ZNRF1: variants seen among roughly 807,000 people sequenced by gnomAD.
ZNRF1 encodes E3 ubiquitin-protein ligase ZNRF1.
Under a neutral mutation model 18.4 loss-of-function variants are expected in ZNRF1, and 3 were observed. The ratio of observed to expected loss-of-function variants is 0.16; its 90% CI spans 0.07 to 0.42. The LOEUF (loss-of-function observed/expected upper bound fraction) is 0.42, where lower values mean the gene tolerates loss of function less well. Ranked by LOEUF, ZNRF1 falls within the 10% of genes least tolerant of loss-of-function variation. The pLI is 0.99. For synonymous variants in ZNRF1, 157 were observed against 144.2 expected (o/e 1.09, Z -0.64); for missense variants, 310 against 329.8 (o/e 0.94, Z 0.47).
At chr16:75,014,561 T>C (rs1179729993) in intron 1 of ZNRF1, among the ~76,000 whole-genome samples, 1 of 152,232 alleles carries the variant, frequency 6.6e-6, no homozygotes, top group East Asian at 1.9e-4. Context: ...CAGTGGATAT[T>C]AAAGTTATTT....
chr16:75,103,846 G>C (rs977070461), intron 2 of ZNRF1, among the ~76,000 whole-genome samples: 1 of 152,118 alleles, frequency 6.6e-6, no homozygotes, highest in African/African-American at 2.4e-5. Flanking sequence ...CTAGCCAGGC[G>C]TGGTGGTGGG....
intron 1 of ZNRF1, among the ~76,000 whole-genome samples, chr16:75,019,756 G>C (rs910259956): frequency 6.6e-6 from 1 of 152,122 alleles, no homozygotes; most frequent in Non-Finnish European, 1.5e-5. Context: ...ACAGGGTCTT[G>C]CTTTGTTGCC....
intron 1 of ZNRF1, among the ~76,000 whole-genome samples, chr16:75,031,641 G>T (rs1300107679): frequency 6.6e-6 from 1 of 151,952 alleles, no homozygotes; most frequent in African/African-American, 2.4e-5. Context: ...CAAGTAACTG[G>T]GACTACAGGC....
At position 75,067,124 on chromosome 16, in the gene ZNRF1, C is replaced by T. The variant is rs2035815164; in HGVS notation, c.425-26448C>T. ...GGCTGGGACAGCTGCAGTTCTCCGT[C>T]ATCTGTTTATGTGTACATTTTCCAT... is the stretch of plus-strand genomic sequence containing the variant. On this transcript the variant is annotated intron_variant, in intron 1 of 4. Coordinates refer to ENST00000335325, the MANE Select transcript of ZNRF1 (RefSeq NM_032268.5). Among the ~76,000 whole-genome samples the T allele has an allele frequency of 2.0e-5, 3 of 152,154 alleles. No homozygotes were observed. In the South Asian group the frequency reaches 6.2e-4, roughly 32 times the overall value.
chr16:75,041,251 A>G (rs143701863), intron 1 of ZNRF1, among the ~76,000 whole-genome samples: 1 of 152,280 alleles, frequency 6.6e-6, no homozygotes, highest in African/African-American at 2.4e-5. Context: ...CCTTGCCAAC[A>G]CCGTGTATTG....
At chr16:75,010,261 G>C (rs1201108238) in intron 1 of ZNRF1, among the ~76,000 whole-genome samples, 1 of 152,188 alleles carries the variant, frequency 6.6e-6, no homozygotes, top group Non-Finnish European at 1.5e-5. Flanking sequence ...GGGATTACAG[G>C]TGTGAGCCAC....
chr16:75,104,942 A>AC (rs2036296953), intron 3 of ZNRF1, 53 bp downstream of exon 3: 2 of 1,415,268 alleles, frequency 1.4e-6, no homozygotes, highest in Non-Finnish European at 9.8e-7. Context: ...AGAGGGGCGG[A>AC]CCCCCATCTC....
At chr16:75,090,908 A>T (rs1201071753) in intron 1 of ZNRF1, among the ~76,000 whole-genome samples, 1 of 152,190 alleles carries the variant, frequency 6.6e-6, no homozygotes, top group African/African-American at 2.4e-5. Context: ...TTAAATAAAA[A>T]TTTAATTTTA....
At chr16:75,078,591 G>T (rs1455605790) in intron 1 of ZNRF1, among the ~76,000 whole-genome samples, 1 of 152,076 alleles carries the variant, frequency 6.6e-6, no homozygotes, top group African/African-American at 2.4e-5. Context: ...GAGCCACCAC[G>T]CCTGGCCACA....
At chr16:75,074,991 C>T (rs918407900) in intron 1 of ZNRF1, among the ~76,000 whole-genome samples, 10 of 152,106 alleles carry the variant, frequency 6.6e-5, no homozygotes, top group Admixed American at 6.5e-4. Flanking sequence ...TTCGCACTGT[C>T]CAGGAAATGG....
chr16:75,023,697 C>CAA (rs112959611), intron 1 of ZNRF1, among the ~76,000 whole-genome samples: 126 of 148,786 alleles, frequency 8.5e-4, no homozygotes, highest in East Asian at 1.4e-3. Flanking sequence ...AACAAACAAA[C>CAA]AAAAAAAACA....
At chr16:75,106,365 T>A in intron 3 of ZNRF1, 117 bp from the exon 4 acceptor site, 1 of 972,708 alleles carries the variant, frequency 1.0e-6, no homozygotes, top group Non-Finnish European at 1.6e-6. Flanking sequence ...TTCCCTGGGG[T>A]CCTTTCAGAA....
At chr16:75,098,083 G>A (rs2036218967) in intron 2 of ZNRF1, among the ~76,000 whole-genome samples, 1 of 152,212 alleles carries the variant, frequency 6.6e-6, no homozygotes, top group Non-Finnish European at 1.5e-5. Context: ...GGCTGGACAG[G>A]CTGGAGTCAG....
intron 1 of ZNRF1, among the ~76,000 whole-genome samples, chr16:75,010,527 G>T (rs149071353): frequency 1.3e-5 from 2 of 152,156 alleles, no homozygotes; most frequent in Non-Finnish European, 2.9e-5. Context: ...AATTTTTGGA[G>T]AAATTTCACT....
At chr16:75,078,296 CTTTTT>C (rs36075131) in intron 1 of ZNRF1, among the ~76,000 whole-genome samples, 13 of 113,126 alleles carry the variant, frequency 1.1e-4, no homozygotes, top group Non-Finnish European at 1.6e-4. Context: ...TCTTTCTTTC[CTTTTT>C]TTTTTTTTTT....
chr16:75,066,171 A>C (rs1314480393), intron 1 of ZNRF1, among the ~76,000 whole-genome samples: 2 of 152,218 alleles, frequency 1.3e-5, no homozygotes, highest in Non-Finnish European at 2.9e-5. Flanking sequence ...AAGACTAAAC[A>C]GATACTAATG....
intron 1 of ZNRF1, among the ~76,000 whole-genome samples, chr16:75,051,502 T>TGC (rs1350800936): frequency 6.7e-6 from 1 of 149,516 alleles, no homozygotes; most frequent in Non-Finnish European, 1.5e-5. Context: ...AGCCACCGCA[T>TGC]CCAGCCTGCA....
chr16:75,032,104 G>T lies in ZNRF1; in HGVS notation c.424+32009G>T, dbSNP rs959652428. ...GATATTGGGCATCTTTTCTTGTGAGGTTTTTTTTTTTTTTTTTTTTTTTGA... is the reference window on the plus strand; with the variant it reads ...GATATTGGGCATCTTTTCTTGTGAGTTTTTTTTTTTTTTTTTTTTTTTTGA... On this transcript the variant is annotated intron_variant, in intron 1 of 4. Coordinates refer to ENST00000335325, the MANE Select transcript of ZNRF1 (RefSeq NM_032268.5). Among the ~76,000 whole-genome samples, 9 of 108,662 alleles carry T rather than the reference G, an allele frequency of 8.3e-5. No individual in the cohort carries two copies. The South Asian group carries it at 8.9e-4, about 11-fold the overall frequency. The allele number at this position is 108,662 out of a possible 152,430, so 71.3% of individuals were successfully genotyped here.
chr16:75,034,428 C>T (rs2035350694), intron 1 of ZNRF1, among the ~76,000 whole-genome samples: 1 of 152,144 alleles, frequency 6.6e-6, no homozygotes, highest in Non-Finnish European at 1.5e-5. Context: ...CTTAGCGTAA[C>T]ATTCTCAAGA....
Sources: allele counts gnomAD v4.1 joint callset (sites outside exome capture counted in the v4.1 genomes callset), GRCh38; gene constraint gnomAD v4.1.1; transcripts MANE v1.5; gene names NCBI Gene and HGNC (gene_info 2026-07-23, HGNC 2026-07-21).